The following OS9 variants were observed in gnomAD, a reference collection of about 807,000 sequenced individuals.
OS9 encodes OS9 endoplasmic reticulum lectin, also known as protein OS-9.
Under a neutral mutation model 84.7 loss-of-function variants are expected in OS9, and 58 were observed. The ratio of observed to expected loss-of-function variants is 0.68; its 90% CI spans 0.55 to 0.85. The LOEUF is 0.85. OS9 is among the 40% of genes least tolerant of loss of function. The pLI, the probability that OS9 is intolerant of heterozygous loss-of-function variation, is 0.00. For synonymous variants in OS9, 278 were observed against 320.8 expected, an observed-to-expected ratio of 0.87 and a Z score of 1.43; for missense variants, 760 against 850.9, an observed-to-expected ratio of 0.89 and a Z score of 1.33.
rs543779584 is a variant in OS9, at chr12:57,706,806, G to A, written c.580-8954G>A. ...TGAGGCTGTTAGGAGCTGTTATCAC[G>A]CCACTGGACTCCAGCCTGGGTGACA... On this transcript the variant is annotated intron_variant, in intron 5 of 14. Transcript: ENST00000315970. Among the ~76,000 whole-genome samples, 33 of 127,666 alleles carry A rather than the reference G, an allele frequency of 2.6e-4. 2 individuals carry two copies. The East Asian group carries it at 5.0e-3, about 19-fold the overall frequency. The allele number at this position is 127,666 out of a possible 152,430, so 83.8% of individuals were successfully genotyped here.
At chr12:57,707,920 G>A (rs1595048243) in intron 5 of OS9, among the ~76,000 whole-genome samples, 1 of 145,956 alleles carries the variant, frequency 6.9e-6, no homozygotes, top group African/African-American at 2.5e-5. Context: ...GTGAGACCCT[G>A]TCTCTATGGA....
rs771872704 is a variant in OS9, at chr12:57,716,006, T to G, written c.790+36T>G. 1.9e-6 allele frequency: 3 copies of G among 1,603,708 alleles called. No individual in the cohort carries two copies. In the African/African-American group the frequency reaches 4.0e-5, roughly 21 times the overall value. ...AGAGAAGGAGGAGAAGACGGGGAGA[T>G]ACGGGGGCAGGGGGTGGCAAAAGAT... On this transcript the variant is annotated intron_variant, in intron 6 of 14. Coordinates refer to ENST00000315970, the MANE Select transcript of OS9 (RefSeq NM_006812.4).
intron 5 of OS9, among the ~76,000 whole-genome samples, chr12:57,711,770 C>T (rs891540928): frequency 6.6e-6 from 1 of 152,146 alleles, no homozygotes; most frequent in Non-Finnish European, 1.5e-5. Flanking sequence ...TTACATTGTA[C>T]ATATATGCAT....
chr12:57,696,459 GGGGC>G (rs1394437926), intron 5 of OS9, 86 bp downstream of exon 5: 11,795 of 270,914 alleles, frequency 0.044, 693 homozygotes, highest in Non-Finnish European at 0.061. Context: ...AGTCGGGGCG[GGGGC>G]GGGGGGGGTC....
chr12:57,712,816 G>A (rs1016232785), intron 5 of OS9, among the ~76,000 whole-genome samples: 4 of 151,594 alleles, frequency 2.6e-5, no homozygotes, highest in African/African-American at 9.7e-5. Flanking sequence ...CAGAGTGCAC[G>A]GTCTTGGCCC....
chr12:57,715,720 T>G, intron 5 of OS9, 40 bp from the exon 6 acceptor site: 1 of 1,421,610 alleles, frequency 7.0e-7, no homozygotes, highest in Non-Finnish European at 9.7e-7. Flanking sequence ...AGCAAATTAT[T>G]GTTGGTGATT....
intron 5 of OS9, among the ~76,000 whole-genome samples, chr12:57,713,969 A>G (rs1433318184): frequency 6.6e-6 from 1 of 151,954 alleles, no homozygotes. Flanking sequence ...AATTAGTTGG[A>G]TATGGTGGCA....
At position 57,716,118 on chromosome 12, in the gene OS9, A is replaced by T. The variant is rs1954483623; in HGVS notation, c.817A>T (p.Ile273Leu). ...ADSKQYGDKI[I>L]EELQDLGPQV... The stretch of plus-strand genomic sequence containing the variant: ...CTCAAAGCAGTATGGAGATAAAATC[A>T]TAGAGGAGCTGCAAGATCTAGGCCC... Residue 273 changes from isoleucine to leucine, a missense_variant, in exon 7 of 15, where the codon ATA becomes TTA. Ile to Leu is a conservative substitution (Grantham distance 5). Transcript: ENST00000315970. 2 of 1,613,792 alleles carry T rather than the reference A, an allele frequency of 1.2e-6. No individual in the cohort carries two copies.
At chr12:57,716,060 T>C (rs1215192458) in intron 6 of OS9, 32 bp from the exon 7 acceptor site, 2 of 1,601,144 alleles carry the variant, frequency 1.2e-6, no homozygotes, top group East Asian at 2.2e-5. Flanking sequence ...AGGAATGTGT[T>C]CCTGGCCTGC....
Position 57,711,481 on chromosome 12 carries a change from G to GGACT in OS9, c.580-4278_580-4275dup, listed in dbSNP as rs201502355. On this transcript the variant is annotated intron_variant, in intron 5 of 14. Transcript: ENST00000315970. ...CCTGCCTCAGCCTCCCGAGTAGCTG[G>GGACT]GACTACAGGTGTGCGCCACCACACC... Among the ~76,000 whole-genome samples, 1,211 of 151,512 alleles carry GGACT rather than the reference G, an allele frequency of 8.0e-3. 14 individuals carry two copies. The highest frequency in any genetic ancestry group is 0.028 in the African/African-American group (1,143 of 41,294).
chr12:57,708,918 C>T (rs566081619), intron 5 of OS9, among the ~76,000 whole-genome samples: 18 of 152,184 alleles, frequency 1.2e-4, no homozygotes, highest in Non-Finnish European at 2.2e-4. Context: ...CCTCCAACAA[C>T]GTATGGGAAT....
rs778900319 is a variant in OS9, at chr12:57,696,233, A to G, written c.481-42A>G. On this transcript the variant is annotated intron_variant, in intron 4 of 14. Transcript: ENST00000315970. The stretch of plus-strand genomic sequence containing the variant: ...CGCAGTGCCATCCTTCCTCTTTGCT[A>G]TCTTTCTCATGTCCCCCATTCCTGC... The G allele has an allele frequency of 1.9e-5, 28 of 1,487,960 alleles. 1 individual carries two copies. The highest frequency in any genetic ancestry group is 8.1e-5 in the South Asian group (7 of 86,132). 92.2% of individuals were successfully genotyped at this position (1,487,960 alleles called of 1,614,324 possible).
chr12:57,697,934 C>CCTA (rs1565767236), intron 5 of OS9, among the ~76,000 whole-genome samples: 2 of 102,250 alleles, frequency 2.0e-5, no homozygotes, highest in African/African-American at 6.4e-5. Flanking sequence ...TACACACACA[C>CCTA]ACACACACAC....
In OS9 at chr12:57,720,925, T is replaced by C; in HGVS notation, c.*16T>C. On this transcript the variant is annotated 3_prime_UTR_variant, in exon 15 of 15. Transcript: ENST00000315970. ...TGACTTCTGAGACCAACACTACACTTGACCCTTCACGGAATCCAGACTCTT... is the reference window on the plus strand; with the variant it reads ...TGACTTCTGAGACCAACACTACACTCGACCCTTCACGGAATCCAGACTCTT... 2 of 1,613,940 alleles carry C rather than the reference T, an allele frequency of 1.2e-6. No individual in the cohort carries two copies. The highest frequency in any genetic ancestry group is 1.7e-5 in the Admixed American group (1 of 59,994).
chr12:57,717,432 T>C lies in OS9; in HGVS notation c.1046-438T>C, dbSNP rs148284964. Among the ~76,000 whole-genome samples the C allele has an allele frequency of 2.6e-3, 389 of 152,336 alleles. 1 individual carries two copies. The highest frequency in any genetic ancestry group is 9.0e-3 in the African/African-American group (373 of 41,564). On this transcript the variant is annotated intron_variant, in intron 9 of 14. Coordinates refer to ENST00000315970, the MANE Select transcript of OS9 (RefSeq NM_006812.4). ...TAATCCTAGTTACTTGGAAGGCTGA[T>C]GCAGGAAGATTGCTTGAGCCCAGGA...
At chr12:57,718,458 G>A (rs745833007) in intron 11 of OS9, 37 bp downstream of exon 11, 17 of 1,594,492 alleles carry the variant, frequency 1.1e-5, no homozygotes, top group African/African-American at 5.4e-5. Context: ...TTCCACAGCC[G>A]CCTGGTCCCG....
At chr12:57,708,704 A>G (rs949297572) in intron 5 of OS9, among the ~76,000 whole-genome samples, 1 of 152,010 alleles carries the variant, frequency 6.6e-6, no homozygotes, top group East Asian at 1.9e-4. Flanking sequence ...TTTTTTATCT[A>G]AATGGTTCCC....
intron 13 of OS9, 59 bp downstream of exon 13, chr12:57,720,322 G>A (rs1954638722): frequency 6.2e-7 from 1 of 1,609,974 alleles, no homozygotes. Flanking sequence ...GCCGGAAGTG[G>A]AGGGGCTGGG....
At position 57,694,937 on chromosome 12, in the gene OS9, C is replaced by T; in HGVS notation, c.339+11C>T. 1.2e-6 allele frequency: 2 copies of T among 1,612,628 alleles called. No homozygotes were observed. The highest frequency in any genetic ancestry group is 1.3e-5 in the African/African-American group (1 of 74,972). The stretch of plus-strand genomic sequence containing the variant: ...CCCTGCTTGCTGAAGGTGAAAGGGA[C>T]TGGGTTAGATAGAATGAGGGCTTGG... On this transcript the variant is annotated intron_variant, in intron 2 of 14. Coordinates refer to ENST00000315970, the MANE Select transcript of OS9 (RefSeq NM_006812.4).
Sources: allele counts gnomAD v4.1 joint callset (sites outside exome capture counted in the v4.1 genomes callset), GRCh38; gene constraint gnomAD v4.1.1; transcripts MANE v1.5; gene names NCBI Gene and HGNC (gene_info 2026-07-23, HGNC 2026-07-21).